CIC: variants seen among roughly 807,000 people sequenced by gnomAD.
CIC encodes capicua transcriptional repressor.
CIC carries 18 observed loss-of-function variants against 115.7 expected under a neutral mutation model. The ratio of observed to expected loss-of-function variants is 0.16; its 90% CI spans 0.11 to 0.23. The LOEUF (loss-of-function observed/expected upper bound fraction) is 0.23, where lower values mean the gene tolerates loss of function less well. Ranked by LOEUF, CIC falls within the 10% of genes least tolerant of loss-of-function variation. The probability of loss-of-function intolerance (pLI) is 1.00; values close to 1 mark genes in which losing one functional copy is unlikely to be tolerated. For missense variants in CIC, 2,000 were observed against 2,159.3 expected (o/e 0.93, Z 1.46); for synonymous variants, 1,076 against 923.0 (o/e 1.17, Z -3.01).
chr19:42,291,302 C>T lies in CIC; in HGVS notation c.5261C>T (p.Ala1754Val), dbSNP rs201304088. 9 of 1,612,842 alleles carry T rather than the reference C, an allele frequency of 5.6e-6. No individual in the cohort carries two copies. In the East Asian group the frequency reaches 1.6e-4, roughly 28 times the overall value. ...QLQVAPAPAP[A>V]PGTKAAAPSG... ...CAGGTGGCACCTGCCCCAGCACCAG[C>T]CCCTGGGACCAAGGCAGCGGCTCCC... is the stretch of plus-strand genomic sequence containing the variant. Residue 1754 changes from alanine to valine, a missense_variant, in exon 11 of 21, where the codon GCC becomes GTC. Transcript: ENST00000681038.
At chr19:42,275,331 G>A (rs372106715) in intron 2 of CIC, among the ~76,000 whole-genome samples, 18 of 152,350 alleles carry the variant, frequency 1.2e-4, no homozygotes, top group East Asian at 1.2e-3. Flanking sequence ...GGGGTGTGCT[G>A]GGCACTTCTC....
Position 42,291,642 on chromosome 19 carries a change from C to G in CIC, c.5510C>G (p.Ala1837Gly). 1 of 1,613,016 alleles carries G rather than the reference C, an allele frequency of 6.2e-7. No individual in the cohort carries two copies. The highest frequency in any genetic ancestry group is 8.5e-7 in the Non-Finnish European group (1 of 1,180,002). Residue 1837 changes from alanine to glycine, a missense_variant, in exon 12 of 21, where the codon GCC becomes GGC. Transcript: ENST00000681038. ...GGGAAGGTCCTAGTGCCTCTGGCCGCCCCTAGCATGTCAGTGCGGGGTGGA... is the reference window on the plus strand; with the variant it reads ...GGGAAGGTCCTAGTGCCTCTGGCCGGCCCTAGCATGTCAGTGCGGGGTGGA... ...LPGKVLVPLA[A>G]PSMSVRGGGA... is the part of the protein sequence containing the mutation.
chr19:42,294,514 A>C (rs930016611), intron 19 of CIC, 90 bp from the exon 20 acceptor site: 2 of 1,593,498 alleles, frequency 1.3e-6, no homozygotes, highest in Non-Finnish European at 1.7e-6. Context: ...GTGAAATAGA[A>C]TGCAGTGAGG....
intron 2 of CIC, among the ~76,000 whole-genome samples, chr19:42,274,785 G>A (rs1410849594): frequency 6.6e-6 from 1 of 152,218 alleles, no homozygotes; most frequent in Non-Finnish European, 1.5e-5. Context: ...GAGGCCTCCT[G>A]TCAGAGAACG....
rs112950169 is a variant in CIC, at chr19:42,289,252, A to G, written c.3933A>G (p.Ala1311=). 6.2e-4 allele frequency: 1,002 copies of G among 1,613,716 alleles called. 25 individuals are homozygous for G. The African/African-American group carries it at 0.011, about 17-fold the overall frequency. Reference sequence around the variant, plus strand: ...AGTATGGAGCTCCAGGACCCTTTGCAGCCCCTGGTGAGGGAGGTGCCTTGG... The same window carrying G: ...AGTATGGAGCTCCAGGACCCTTTGCGGCCCCTGGTGAGGGAGGTGCCTTGG... ...STQYGAPGPF[A]APGEGGALAA... is the part of the protein sequence containing the mutation. Residue 1311 remains alanine, a synonymous_variant, in exon 9 of 21, where the codon GCA becomes GCG. Transcript: ENST00000681038.
At chr19:42,284,022 G>A (rs1305849171) in intron 2 of CIC, 1 of 149,318 alleles carries the variant, frequency 6.7e-6, no homozygotes, top group East Asian at 2.0e-4. Flanking sequence ...AAGGGGCGGG[G>A]GGAGGCGCGG....
Position 42,273,527 on chromosome 19 carries a change from C to T in CIC, c.1744C>T (p.Arg582Cys), listed in dbSNP as rs1467652797. Residue 582 changes from arginine (R) to cysteine (C), a missense_variant, in exon 2 of 21, where the codon CGC (arginine) becomes TGC (cysteine). Arg to Cys is a radical substitution (Grantham distance 180, BLOSUM62 -3). Transcript: ENST00000681038. ...SVAARGDSRPRLVAPADLSRF... is the reference protein window; with the variant it reads ...SVAARGDSRPCLVAPADLSRF... ...GGCGGCTCGTGGAGACTCACGGCCACGCCTGGTGGCCCCTGCTGACTTGTC... is the reference window on the plus strand; with the variant it reads ...GGCGGCTCGTGGAGACTCACGGCCATGCCTGGTGGCCCCTGCTGACTTGTC... The T allele has an allele frequency of 1.3e-5, 5 of 398,394 alleles. No homozygotes were observed. Among genetic ancestry groups the T allele is most frequent in the Middle Eastern group, 6.2e-4 (1 of 1,610 alleles). The allele number at this position is 398,394 out of a possible 1,614,324, so 24.7% of individuals were successfully genotyped here.
At chr19:42,285,294 C>T (rs1333415162) in intron 2 of CIC, among the ~76,000 whole-genome samples, 2 of 152,246 alleles carry the variant, frequency 1.3e-5, no homozygotes, top group African/African-American at 2.4e-5. Context: ...CCATTGTCTG[C>T]TGGGTCCCTT....
chr19:42,286,737 C>G, intron 2 of CIC, 34 bp from the exon 3 acceptor site: 1 of 1,613,524 alleles, frequency 6.2e-7, no homozygotes, highest in Non-Finnish European at 8.5e-7. Context: ...GCCAGGCTCT[C>G]CTGCTGCACA....
chr19:42,286,627 A>G (rs2037663467), intron 2 of CIC, 144 bp from the exon 3 acceptor site: 2 of 942,814 alleles, frequency 2.1e-6, no homozygotes, highest in Non-Finnish European at 3.2e-6. Flanking sequence ...GTGACGTTGC[A>G]TGGACGAGTC....
At position 42,295,143 on chromosome 19, in the gene CIC, G is replaced by GGGGCGCCCCCC; in HGVS notation, c.7506_7507insGGGCGCCCCCC (p.Pro2503GlyfsTer30). 1 of 1,382,732 alleles carries GGGGCGCCCCCC rather than the reference G, an allele frequency of 7.2e-7. No individual in the cohort carries two copies. Among genetic ancestry groups the GGGGCGCCCCCC allele is most frequent in the Non-Finnish European group, 9.6e-7 (1 of 1,037,820 alleles). 85.7% of individuals were successfully genotyped at this position (1,382,732 alleles called of 1,614,324 possible). The stretch of plus-strand genomic sequence containing the variant: ...AGCCTGGCTGGGAGGGGGCTCCCCA[G>GGGGCGCCCCCC]CCCTCCCCCCCACCCCCAGGTCCCT... On this transcript the variant is annotated frameshift_variant, in exon 21 of 21. Transcript: ENST00000681038. LOFTEE classifies it high-confidence loss of function.
chr19:42,279,068 G>A (rs942438815), intron 2 of CIC, among the ~76,000 whole-genome samples: 2 of 152,220 alleles, frequency 1.3e-5, no homozygotes, highest in African/African-American at 4.8e-5. Flanking sequence ...TTCATTGAAA[G>A]GAGTCCCAGA....
At chr19:42,281,798 C>T (rs2037269051) in intron 2 of CIC, among the ~76,000 whole-genome samples, 1 of 152,182 alleles carries the variant, frequency 6.6e-6, no homozygotes, top group South Asian at 2.1e-4. Context: ...CTTCCCATCT[C>T]TCCTCCGTGG....
rs1486085689 is a variant in CIC, at chr19:42,270,513, G to T, written c.-11+1132G>T. On this transcript the variant is annotated intron_variant, in intron 1 of 20. Coordinates refer to ENST00000681038, the MANE Select transcript of CIC (RefSeq NM_001386298.1). This position sits in a 1 kb window ranked among gnomAD's most constrained non-coding sequence, Gnocchi z 4.1. ...CCCTTTTCTTTTCTCAGGGCAGCTC[G>T]AAAGGGGGCGGGCAGTAATGACTGT... Among the ~76,000 whole-genome samples the T allele has an allele frequency of 6.6e-6, 1 of 152,206 alleles. No individual in the cohort carries two copies. The highest frequency in any genetic ancestry group is 2.4e-5 in the African/African-American group (1 of 41,452).
rs1296246732 is a variant in CIC, at chr19:42,287,363, C to T, written c.3223C>T (p.Pro1075Ser). 2.5e-6 allele frequency: 4 copies of T among 1,614,138 alleles called. No individual in the cohort carries two copies. Among genetic ancestry groups the T allele is most frequent in the East Asian group, 4.5e-5 (2 of 44,872 alleles). Residue 1075 changes from proline to serine, a missense_variant, in exon 5 of 21, where the codon CCC (proline) becomes TCC (serine). Transcript: ENST00000681038. The surrounding 1 kb of genome is among the most constrained non-coding windows in gnomAD (Gnocchi z 8.7). ...MSPEIQLPLP[P>S]GKRRTQSLSA... ...TCCTGAGATCCAGTTGCCTCTACCGCCCGGAAAACGTCGGACCCAGTCCCT... is the reference window on the plus strand; with the variant it reads ...TCCTGAGATCCAGTTGCCTCTACCGTCCGGAAAACGTCGGACCCAGTCCCT...
In CIC at chr19:42,287,933, G is replaced by A. The variant is rs754567992; in HGVS notation, c.3616G>A (p.Glu1206Lys). 6.2e-7 allele frequency: 1 copy of A among 1,606,376 alleles called. No homozygotes were observed. The highest frequency in any genetic ancestry group is 8.5e-7 in the Non-Finnish European group (1 of 1,176,836). ...GLAGGHKETR[E>K]RSMSETGTAA... is the part of the protein sequence containing the mutation. ...GGCAGGAGGGCACAAGGAGACGCGG[G>A]AGCGGAGCATGTCGGAGACGGGCAC... is the stretch of plus-strand genomic sequence containing the variant. Residue 1206 changes from glutamate (E) to lysine (K), a missense_variant, in exon 7 of 21, where the codon GAG becomes AAG. Transcript: ENST00000681038. The surrounding 1 kb of genome is among the most constrained non-coding windows in gnomAD (Gnocchi z 8.7).
At chr19:42,276,323 C>T (rs2036976560) in intron 2 of CIC, among the ~76,000 whole-genome samples, 1 of 152,160 alleles carries the variant, frequency 6.6e-6, no homozygotes, top group Admixed American at 6.5e-5. Flanking sequence ...GAACTGTATC[C>T]TGAGGGTACT....
rs1327917693 is a variant in CIC at position 42,290,829 on chromosome 19, C to T, written c.4788C>T (p.Ala1596=). The T allele has an allele frequency of 6.2e-7, 1 of 1,609,464 alleles. No individual in the cohort carries two copies. The highest frequency in any genetic ancestry group is 1.7e-4 in the Middle Eastern group (1 of 6,050). ...TCAGCAGCACTCCTGTGCCCATCGC[C>T]TCTAAGCCCTTCCCCACCTCTGGCC... ...RPVSSTPVPI[A]SKPFPTSGRA... is the part of the protein sequence containing the mutation. The change falls in exon 11 of 21, where the codon GCC becomes GCT. Residue 1596 remains alanine, a synonymous_variant. Coordinates refer to ENST00000681038, the MANE Select transcript of CIC (RefSeq NM_001386298.1).
chr19:42,268,902 T>G (rs1028632850), upstream of CIC, among the ~76,000 whole-genome samples: 23 of 152,192 alleles, frequency 1.5e-4, no homozygotes, highest in African/African-American at 5.5e-4. Context: ...TCACAGAGGC[T>G]GGGTTCCGGC....
Sources: gnomAD v4.1 joint callset for allele counts (sites outside exome capture counted in the v4.1 genomes callset) on GRCh38, gnomAD v4.1.1 for gene constraint, Gnocchi (gnomAD v3.1) non-coding constraint, MANE v1.5 for transcripts, NCBI Gene and HGNC (gene_info 2026-07-23, HGNC 2026-07-21) for gene names.